The following TRMT11 variants were observed in gnomAD, a reference collection of about 807,000 sequenced individuals.
TRMT11 encodes tRNA methyltransferase 11, also known as tRNA (guanine(10)-N(2))-methyltransferase TRMT11.
A neutral mutation model predicts 62.8 loss-of-function variants in TRMT11; 53 were observed. That is an observed-to-expected ratio of 0.84 (90% CI 0.68 to 1.06). TRMT11 has a LOEUF of 1.06. TRMT11 is among the 50% of genes least tolerant of loss of function. TRMT11 has a pLI of 0.00. For synonymous variants in TRMT11, 188 were observed against 190.3 expected (o/e 0.99, Z 0.10); for missense variants, 556 against 553.4 (o/e 1.00, Z -0.05).
chr6:126,230,590 A>C, the TRMT11 span, among the ~76,000 whole-genome samples: 1 of 152,216 alleles, frequency 6.6e-6, no homozygotes, highest in Non-Finnish European at 1.5e-5. Flanking sequence ...TTTTCTATGC[A>C]TCATCCAAAT....
At chr6:126,093,254 ATATTAACTC>A (rs1310025954) in intron 17 of TRMT11, among the ~76,000 whole-genome samples, 12 of 152,020 alleles carry the variant, frequency 7.9e-5, no homozygotes, top group Non-Finnish European at 1.5e-4. Context: ...TTAACTTAGC[ATATTAACTC>A]TATCACATTG....
the TRMT11 span, among the ~76,000 whole-genome samples, chr6:126,244,401 C>CGCCTTTCACTTTT: frequency 6.6e-6 from 1 of 152,100 alleles, no homozygotes; most frequent in African/African-American, 2.4e-5. Flanking sequence ...CTCTCTTCCC[C>CGCCTTTCACTTTT]GCCTTTCACT....
the TRMT11 span, among the ~76,000 whole-genome samples, chr6:126,270,492 T>C: frequency 6.6e-6 from 1 of 152,186 alleles, no homozygotes; most frequent in Non-Finnish European, 1.5e-5. Flanking sequence ...TAAATGATGT[T>C]GTTCGAACAA....
At chr6:126,256,299 T>C in the TRMT11 span, among the ~76,000 whole-genome samples, 205 of 152,356 alleles carry the variant, frequency 1.3e-3, 6 homozygotes, top group East Asian at 0.037. Flanking sequence ...ATTCTGAAGA[T>C]TGAGTCAATA....
At chr6:126,115,577 T>C (rs996559794) in intron 20 of TRMT11, among the ~76,000 whole-genome samples, 3 of 152,152 alleles carry the variant, frequency 2.0e-5, no homozygotes, top group Non-Finnish European at 4.4e-5. Context: ...TTTATATTGC[T>C]ATTTAATCAG....
chr6:126,086,504 C>G (rs1777218208), intron 17 of TRMT11, among the ~76,000 whole-genome samples: 1 of 152,140 alleles, frequency 6.6e-6, no homozygotes, highest in South Asian at 2.1e-4. Flanking sequence ...TGAATTTCTA[C>G]TACTATGGTT....
At chr6:126,113,423 G>T (rs760188742) in intron 18 of TRMT11, among the ~76,000 whole-genome samples, 17 of 152,060 alleles carry the variant, frequency 1.1e-4, no homozygotes, top group Non-Finnish European at 2.1e-4. Flanking sequence ...TACATTAGTG[G>T]TTGAGGCAGT....
intron 12 of TRMT11, among the ~76,000 whole-genome samples, chr6:126,036,236 A>G (rs1437031297): frequency 1.3e-5 from 2 of 152,102 alleles, no homozygotes; most frequent in Non-Finnish European, 2.9e-5. Flanking sequence ...CTGCAAAGTG[A>G]TAGGTAATTG....
chr6:126,193,250 A>G (rs753490816), intron 1 of TRMT11, among the ~76,000 whole-genome samples: 3 of 151,902 alleles, frequency 2.0e-5, no homozygotes, highest in Non-Finnish European at 4.4e-5. Flanking sequence ...TTGTATTTCT[A>G]TGGTAACTGT....
At chr6:126,203,450 G>T (rs1470855409), downstream of TRMT11, among the ~76,000 whole-genome samples, 3 of 152,162 alleles carry the variant, frequency 2.0e-5, no homozygotes, top group African/African-American at 7.2e-5. Flanking sequence ...AAATGTACCA[G>T]GAGTCTGTTT....
intron 21 of TRMT11, among the ~76,000 whole-genome samples, chr6:126,138,566 A>C (rs566834753): frequency 2.4e-4 from 37 of 152,130 alleles, no homozygotes; most frequent in Admixed American, 9.2e-4. Flanking sequence ...AAATGAATGA[A>C]TCATCCTCAG....
chr6:126,249,904 G>T, the TRMT11 span, among the ~76,000 whole-genome samples: 1 of 151,978 alleles, frequency 6.6e-6, no homozygotes, highest in Non-Finnish European at 1.5e-5. Flanking sequence ...TTTTAATCTC[G>T]AATCCTCTCA....
chr6:126,181,050 C>G (rs998510721), intron 1 of TRMT11, among the ~76,000 whole-genome samples: 2 of 152,098 alleles, frequency 1.3e-5, no homozygotes, highest in Admixed American at 6.5e-5. Context: ...ATAGGACACA[C>G]ATTTAGAAAG....
chr6:126,144,094 A>G (rs1250860847), intron 21 of TRMT11, among the ~76,000 whole-genome samples: 1 of 152,072 alleles, frequency 6.6e-6, no homozygotes, highest in African/African-American at 2.4e-5. Flanking sequence ...CTTCAATCCC[A>G]CTTGAGTATG....
chr6:126,020,149 C>G (rs1477097578), intron 11 of TRMT11, among the ~76,000 whole-genome samples: 1 of 152,150 alleles, frequency 6.6e-6, no homozygotes, highest in Admixed American at 6.5e-5. Context: ...AAACAGGTAG[C>G]TGAGATTGTG....
the TRMT11 span, among the ~76,000 whole-genome samples, chr6:126,229,517 A>C: frequency 6.6e-6 from 1 of 152,230 alleles, no homozygotes; most frequent in African/African-American, 2.4e-5. Context: ...CATTTAAAAG[A>C]AATGTATCCT....
chr6:126,015,139 T>G lies in TRMT11; in HGVS notation c.1139+2038T>G, dbSNP rs142981146. On this transcript the variant is annotated intron_variant, in intron 11 of 12. Transcript: ENST00000334379. Reference sequence around the variant, plus strand: ...AAACTTACAGAAGTTTCAAATACAATACAGAAAACTCCCATCTCTACCCTT... The same window carrying G: ...AAACTTACAGAAGTTTCAAATACAAGACAGAAAACTCCCATCTCTACCCTT... Among the ~76,000 whole-genome samples, 297 of 152,096 alleles carry G rather than the reference T, an allele frequency of 2.0e-3. 1 individual carries two copies. The highest frequency in any genetic ancestry group is 6.6e-3 in the African/African-American group (274 of 41,498).
At chr6:126,053,147 A>G (rs763999066) in exon 17 of TRMT11, among the ~76,000 whole-genome samples, 10 of 152,096 alleles carry the variant, frequency 6.6e-5, no homozygotes, top group Non-Finnish European at 1.2e-4. Flanking sequence ...CCTATCCTCA[A>G]TGAGCTCATG....
the TRMT11 span, among the ~76,000 whole-genome samples, chr6:126,264,358 T>C: frequency 4.6e-5 from 7 of 152,208 alleles, no homozygotes; most frequent in Non-Finnish European, 1.0e-4. Flanking sequence ...TATAGAAAAC[T>C]GATATTTGTT....
Sources: allele counts gnomAD v4.1 joint callset (sites outside exome capture counted in the v4.1 genomes callset), GRCh38; gene constraint gnomAD v4.1.1; transcripts MANE v1.5; gene names NCBI Gene and HGNC (gene_info 2026-07-23, HGNC 2026-07-21).